The following PLPPR1 variants were observed in gnomAD, a reference collection of about 807,000 sequenced individuals.
The protein encoded by PLPPR1 is phospholipid phosphatase-related protein type 1.
In PLPPR1, 10 loss-of-function variants were observed where a neutral mutation model predicts 33.1. That is an observed-to-expected ratio of 0.30 (90% CI 0.19 to 0.51). The LOEUF (loss-of-function observed/expected upper bound fraction) is 0.51. Among genes scored for constraint, PLPPR1 ranks in the 20% least tolerant of loss-of-function variants. PLPPR1 has a pLI of 0.97. For synonymous variants in PLPPR1, 151 were observed against 151.0 expected (o/e 1.00, Z 0.00); for missense variants, 304 against 408.1 (o/e 0.74, Z 2.20).
At chr9:101,236,761 C>T (rs1827308994) in intron 2 of PLPPR1, among the ~76,000 whole-genome samples, 1 of 151,528 alleles carries the variant, frequency 6.6e-6, no homozygotes, top group Admixed American at 6.6e-5. Context: ...CATTCAAAAT[C>T]CTCTCCTCTA....
intron 1 of PLPPR1, among the ~76,000 whole-genome samples, chr9:101,163,899 AAAG>A (rs1431869398): frequency 5.3e-5 from 8 of 152,166 alleles, no homozygotes; most frequent in Non-Finnish European, 1.2e-4. Context: ...ATGACATAGG[AAAG>A]AAGAGCAGGT....
intron 2 of PLPPR1, among the ~76,000 whole-genome samples, chr9:101,226,703 TC>T (rs1409516579): frequency 6.6e-6 from 1 of 152,038 alleles, no homozygotes; most frequent in African/African-American, 2.4e-5. Context: ...CTTAATACCA[TC>T]CCTTGGAGGC....
At chr9:101,261,721 T>C (rs1827902493) in intron 2 of PLPPR1, among the ~76,000 whole-genome samples, 1 of 152,136 alleles carries the variant, frequency 6.6e-6, no homozygotes, top group South Asian at 2.1e-4. Flanking sequence ...CTGGAGGCCA[T>C]TATCCTTAGC....
At chr9:101,271,340 G>A (rs1828096524) in intron 3 of PLPPR1, among the ~76,000 whole-genome samples, 2 of 152,132 alleles carry the variant, frequency 1.3e-5, no homozygotes, top group Admixed American at 1.3e-4. Flanking sequence ...CGCAGTGCCT[G>A]GCATTTACGA....
intron 4 of PLPPR1, among the ~76,000 whole-genome samples, chr9:101,305,220 CG>C (rs1287846990): frequency 1.3e-5 from 2 of 151,130 alleles, no homozygotes; most frequent in Non-Finnish European, 3.0e-5. Flanking sequence ...TGTGTGTGTG[CG>C]TGCATGTGTG....
intron 4 of PLPPR1, among the ~76,000 whole-genome samples, chr9:101,289,779 C>A: frequency 6.6e-6 from 1 of 152,198 alleles, no homozygotes; most frequent in East Asian, 1.9e-4. Flanking sequence ...CTTCATTAAA[C>A]CTCTTTGCTT....
intron 4 of PLPPR1, among the ~76,000 whole-genome samples, chr9:101,296,645 A>G (rs1271246187): frequency 6.6e-6 from 1 of 152,204 alleles, no homozygotes; most frequent in Non-Finnish European, 1.5e-5. Context: ...TGTCCTTTGT[A>G]GGGACATGGA....
chr9:101,255,215 G>C (rs926821295), intron 2 of PLPPR1, among the ~76,000 whole-genome samples: 8 of 152,094 alleles, frequency 5.3e-5, no homozygotes, highest in African/African-American at 1.9e-4. Context: ...GAAAGAGAAG[G>C]GAGTTTGATT....
intron 1 of PLPPR1, among the ~76,000 whole-genome samples, chr9:101,073,502 G>A (rs1057049068): frequency 2.6e-5 from 4 of 151,474 alleles, no homozygotes; most frequent in African/African-American, 7.3e-5. Context: ...AAGCTCAGAC[G>A]TTGTTTGCAG....
chr9:101,240,059 T>C (rs1827430678), intron 2 of PLPPR1, among the ~76,000 whole-genome samples: 1 of 152,032 alleles, frequency 6.6e-6, no homozygotes, highest in Non-Finnish European at 1.5e-5. Context: ...TCATTTTAAG[T>C]TGATTTTTGT....
At chr9:101,037,641 TGCTAGCTATC>T (rs1243573685) in intron 1 of PLPPR1, among the ~76,000 whole-genome samples, 3 of 152,166 alleles carry the variant, frequency 2.0e-5, no homozygotes, top group Non-Finnish European at 4.4e-5. Flanking sequence ...TCCCAGCCTT[TGCTAGCTATC>T]GCTTCCAGGC....
chr9:101,303,284 GT>G (rs558602957), intron 4 of PLPPR1, among the ~76,000 whole-genome samples: 5 of 150,340 alleles, frequency 3.3e-5, no homozygotes, highest in Admixed American at 2.0e-4. Context: ...CTGCCCACAG[GT>G]TTTTTTGTTT....
chr9:101,038,673 C>T (rs1310276707), intron 1 of PLPPR1, among the ~76,000 whole-genome samples: 1 of 152,072 alleles, frequency 6.6e-6, no homozygotes, highest in Non-Finnish European at 1.5e-5. Flanking sequence ...AATCAACCCC[C>T]ACATCAAGAA....
intron 4 of PLPPR1, among the ~76,000 whole-genome samples, chr9:101,291,903 C>T (rs936230472): frequency 6.6e-6 from 1 of 152,194 alleles, no homozygotes; most frequent in Non-Finnish European, 1.5e-5. Flanking sequence ...TCCAAAGGAA[C>T]ACAGCTCCTC....
At chr9:101,255,816 G>A (rs1229147314) in intron 2 of PLPPR1, among the ~76,000 whole-genome samples, 1 of 152,094 alleles carries the variant, frequency 6.6e-6, no homozygotes, top group Non-Finnish European at 1.5e-5. Flanking sequence ...ATATTTAGAT[G>A]TGCCTTTGCA....
chr9:101,250,895 C>T (rs1231422283), intron 2 of PLPPR1, among the ~76,000 whole-genome samples: 3 of 152,016 alleles, frequency 2.0e-5, no homozygotes, highest in Non-Finnish European at 4.4e-5. Flanking sequence ...AGATTCTGAT[C>T]CTTGTCCATG....
chr9:101,190,139 C>A (rs1006371117), intron 2 of PLPPR1, among the ~76,000 whole-genome samples: 1 of 152,142 alleles, frequency 6.6e-6, no homozygotes, highest in Non-Finnish European at 1.5e-5. Flanking sequence ...CAAAGTTGAT[C>A]TTTCCTTGTA....
At chr9:101,248,728 TTCTTA>T (rs1385086478) in intron 2 of PLPPR1, among the ~76,000 whole-genome samples, 2 of 152,190 alleles carry the variant, frequency 1.3e-5, no homozygotes, top group Non-Finnish European at 2.9e-5. Context: ...TTAATACCTG[TTCTTA>T]TCTTATTTCA....
rs371737348 is a variant in PLPPR1, at chr9:101,324,036, G to A, written c.957G>A (p.Ala319=). 68 of 1,612,586 alleles carry A rather than the reference G, an allele frequency of 4.2e-5. No individual in the cohort carries two copies. Among genetic ancestry groups the A allele is most frequent in the Middle Eastern group, 3.3e-4 (2 of 6,078 alleles). The change falls in exon 8 of 8, where the codon GCG becomes GCA. Residue 319 remains alanine, a synonymous_variant. Coordinates refer to ENST00000374874, the MANE Select transcript of PLPPR1 (RefSeq NM_207299.2). ...LETLSAQNHS[A]SMTEVT The stretch of plus-strand genomic sequence containing the variant: ...TGTTTGCTCCACAGAATCACTCTGC[G>A]TCCATGACCGAAGTTACCTGAGACG...
Sources: allele counts gnomAD v4.1 joint callset (sites outside exome capture counted in the v4.1 genomes callset), GRCh38; gene constraint gnomAD v4.1.1; transcripts MANE v1.5; gene names NCBI Gene and HGNC (gene_info 2026-07-23, HGNC 2026-07-21).